XRN2: variants seen among roughly 807,000 people sequenced by gnomAD.
XRN2 encodes 5'-3' exoribonuclease 2.
In XRN2, 44 loss-of-function variants were observed where a neutral mutation model predicts 138.5. The ratio of observed to expected loss-of-function variants is 0.32; its 90% CI spans 0.25 to 0.41. The LOEUF is 0.41. Ranked by LOEUF, XRN2 falls within the 10% of genes least tolerant of loss-of-function variation. XRN2 has a pLI of 1.00. For missense variants in XRN2, 937 were observed against 1,169.3 expected, an observed-to-expected ratio of 0.80 and a Z score of 2.90; for synonymous variants, 354 against 369.4, an observed-to-expected ratio of 0.96 and a Z score of 0.48.
chr20:21,331,455 T>C (rs1027573974), intron 6 of XRN2, 106 bp from the exon 7 acceptor site: 1 of 902,540 alleles, frequency 1.1e-6, no homozygotes, highest in Non-Finnish European at 1.7e-6. Flanking sequence ...TCAGAAAATT[T>C]TCCCGTAACA....
intron 20 of XRN2, among the ~76,000 whole-genome samples, chr20:21,350,622 C>G (rs1167692219): frequency 2.0e-5 from 3 of 148,746 alleles, no homozygotes; most frequent in Non-Finnish European, 4.5e-5. Context: ...AATTATTTAA[C>G]CTTTTCTTCC....
chr20:21,386,451 G>A (rs781539704), intron 28 of XRN2, among the ~76,000 whole-genome samples: 3 of 152,202 alleles, frequency 2.0e-5, no homozygotes, highest in African/African-American at 7.2e-5. Context: ...TAAGTAGAAA[G>A]AATGGATCCA....
chr20:21,346,371 G>C, intron 16 of XRN2, 44 bp from the exon 17 acceptor site: 3 of 1,607,244 alleles, frequency 1.9e-6, no homozygotes. Context: ...GCCTGTTACT[G>C]AAGGTGTGTT....
At position 21,330,492 on chromosome 20, in the gene XRN2, C is replaced by T. The variant is rs2038192520; in HGVS notation, c.439C>T (p.Pro147Ser). ...CCTCTTTTCTCTAGGTGGCTTTCTT[C>T]CTCCAGAAGAAATAAAAGAAAGATT... ...EEILAKGGFL[P>S]PEEIKERFDS... The change falls in exon 5 of 30, where the codon CCT becomes TCT. Residue 147 changes from proline to serine, a missense_variant. This residue lies in a region of XRN2 where 471 missense variants were observed against 581.2 expected (regional missense o/e 0.81). Transcript: ENST00000377191. 1.2e-6 allele frequency: 2 copies of T among 1,613,368 alleles called. No individual in the cohort carries two copies. Among genetic ancestry groups the T allele is most frequent in the Non-Finnish European group, 8.5e-7 (1 of 1,179,916 alleles).
intron 21 of XRN2, among the ~76,000 whole-genome samples, chr20:21,355,576 A>G (rs913252562): frequency 2.0e-5 from 3 of 152,140 alleles, no homozygotes; most frequent in Non-Finnish European, 2.9e-5. Context: ...ATCTTGCAGT[A>G]TATTCATACG....
At chr20:21,322,539 C>G (rs994264492) in intron 1 of XRN2, among the ~76,000 whole-genome samples, 7 of 152,106 alleles carry the variant, frequency 4.6e-5, no homozygotes, top group Non-Finnish European at 1.0e-4. Flanking sequence ...CATGGTTTTT[C>G]TAATGTTCCT....
chr20:21,344,101 A>G lies in XRN2; in HGVS notation c.1422A>G (p.Ile474Met). ...ATCATTGTCTGCAGAGTCCTTCGAT[A>G]TCTCCTAATACGAGTTTCACATCTG... The part of the protein sequence containing the change: ...MRMQNNSSPS[I>M]SPNTSFTSDG... The change falls in exon 16 of 30, where the codon ATA (isoleucine) becomes ATG (methionine). Residue 474 changes from isoleucine to methionine, a missense_variant. Ile to Met is a conservative substitution (Grantham distance 10). Around this residue, in one of 6 missense-constraint regions of XRN2, gnomAD observed 471 missense variants for 581.2 expected, o/e 0.81. Transcript: ENST00000377191. The G allele has an allele frequency of 1.2e-6, 2 of 1,610,402 alleles. No individual in the cohort carries two copies. Among genetic ancestry groups the G allele is most frequent in the East Asian group, 2.2e-5 (1 of 44,808 alleles).
At chr20:21,323,778 AG>A (rs1011427836) in intron 1 of XRN2, among the ~76,000 whole-genome samples, 1 of 152,158 alleles carries the variant, frequency 6.6e-6, no homozygotes, top group Non-Finnish European at 1.5e-5. Context: ...TTCTTGTGCT[AG>A]GCACTAGGGC....
In XRN2 at chr20:21,336,860, T is replaced by C. The variant is rs6137321; in HGVS notation, c.1234-2184T>C. On this transcript the variant is annotated intron_variant, in intron 13 of 29. Coordinates refer to ENST00000377191, the MANE Select transcript of XRN2 (RefSeq NM_012255.5). ...GGCCTCACTGACAGCTGACCTTGAT[T>C]AAAGTTGTAAAGGATGTGAGGGAGC... 3.2e-4 allele frequency among the ~76,000 whole-genome samples: 49 copies of C among 152,232 alleles called. No individual in the cohort carries two copies. The East Asian group carries it at 9.3e-3, about 29-fold the overall frequency.
chr20:21,381,808 A>T (rs1488375471), intron 27 of XRN2, among the ~76,000 whole-genome samples, 186 bp from the exon 28 acceptor site: 1 of 152,138 alleles, frequency 6.6e-6, no homozygotes, highest in Non-Finnish European at 1.5e-5. Context: ...AAAATAATAA[A>T]AAATTTGCTG....
intron 17 of XRN2, among the ~76,000 whole-genome samples, chr20:21,347,804 T>A (rs919343069): frequency 6.6e-6 from 1 of 152,252 alleles, no homozygotes; most frequent in Non-Finnish European, 1.5e-5. Context: ...TACTTGATGA[T>A]GACAGCTCTA....
intron 1 of XRN2, among the ~76,000 whole-genome samples, chr20:21,320,709 C>T (rs2038028341): frequency 6.6e-6 from 1 of 152,174 alleles, no homozygotes; most frequent in African/African-American, 2.4e-5. Flanking sequence ...ATTCTCCTGC[C>T]TCAGCCTCCC....
chr20:21,328,524 T>C, intron 3 of XRN2, 35 bp from the exon 4 acceptor site: 1 of 1,572,650 alleles, frequency 6.4e-7, no homozygotes. Context: ...GTGAATATTT[T>C]GATGAGTGTT....
chr20:21,326,661 C>T (rs765235941), intron 3 of XRN2, 60 bp downstream of exon 3: 2 of 1,349,990 alleles, frequency 1.5e-6, no homozygotes, highest in South Asian at 1.3e-5. Context: ...TTACCAGTGT[C>T]TAGAATGAAA....
chr20:21,325,657 G>A (rs2038115593), intron 1 of XRN2, among the ~76,000 whole-genome samples: 1 of 152,216 alleles, frequency 6.6e-6, no homozygotes, highest in South Asian at 2.1e-4. Flanking sequence ...AAGAGAGTGA[G>A]TGGGCTTCAA....
At chr20:21,365,966 T>C (rs6047399) in intron 26 of XRN2, among the ~76,000 whole-genome samples, 87,883 of 102,288 alleles carry the variant, frequency 0.86, 38,080 homozygotes, top group East Asian at 0.98. Context: ...ATTACAGGAG[T>C]GAGCCACCGT....
At chr20:21,335,866 G>T (rs1478755397) in intron 13 of XRN2, among the ~76,000 whole-genome samples, 2 of 152,214 alleles carry the variant, frequency 1.3e-5, no homozygotes, top group African/African-American at 4.8e-5. Flanking sequence ...GACCTGGCAG[G>T]AGAGGGCATT....
Position 21,386,989 on chromosome 20 carries a change from G to T in XRN2, c.2770G>T (p.Asp924Tyr). The T allele has an allele frequency of 6.2e-7, 1 of 1,609,688 alleles. No individual in the cohort carries two copies. The highest frequency in any genetic ancestry group is 8.5e-7 in the Non-Finnish European group (1 of 1,176,222). The change falls in exon 29 of 30, where the codon GAT becomes TAT. Residue 924 changes from aspartate (D) to tyrosine (Y), a missense_variant. By Grantham distance (160) the Asp-to-Tyr change is radical. Transcript: ENST00000377191. ...GPGGYPPRRDDRGGRQGYPRE... is the reference protein window; with the variant it reads ...GPGGYPPRRDYRGGRQGYPRE... ...TGGTGGGTATCCACCCAGACGAGAT[G>T]ATCGTGGAGGGAGACAGGTAAATGG... is the stretch of plus-strand genomic sequence containing the variant.
intron 19 of XRN2, 66 bp downstream of exon 19, chr20:21,348,496 C>A: frequency 6.9e-7 from 1 of 1,446,546 alleles, no homozygotes; most frequent in Non-Finnish European, 9.6e-7. Context: ...ATATCAGTTA[C>A]AATTGCTTTT....
Sources: allele counts gnomAD v4.1 joint callset (sites outside exome capture counted in the v4.1 genomes callset), GRCh38; gene constraint gnomAD v4.1.1; regional missense constraint gnomAD v4.1.1; transcripts MANE v1.5; gene names NCBI Gene and HGNC (gene_info 2026-07-23, HGNC 2026-07-21).